The following NRXN1 variants were observed in gnomAD, a reference collection of about 807,000 sequenced individuals.
The protein encoded by NRXN1 is neurexin 1, also known as neurexin-1.
Under a neutral mutation model 150.9 loss-of-function variants are expected in NRXN1, and 39 were observed. That is an observed-to-expected ratio of 0.26 (90% CI 0.20 to 0.34). The LOEUF (loss-of-function observed/expected upper bound fraction) is 0.34. Among genes scored for constraint, NRXN1 ranks in the 10% least tolerant of loss-of-function variants. The pLI, the probability that NRXN1 is intolerant of heterozygous loss-of-function variation, is 1.00. For missense variants in NRXN1, 1,815 were observed against 1,949.9 expected (o/e 0.93, Z 1.30); for synonymous variants, 924 against 757.0 (o/e 1.22, Z -3.62).
intron 8 of NRXN1, among the ~76,000 whole-genome samples, chr2:50,597,513 G>A (rs187618777): frequency 6.6e-6 from 1 of 152,000 alleles, no homozygotes; most frequent in East Asian, 1.9e-4. Flanking sequence ...ATTCTCTAAA[G>A]TGGGTGCATC....
At chr2:50,811,322 A>G (rs564121239) in intron 5 of NRXN1, among the ~76,000 whole-genome samples, 29 of 152,190 alleles carry the variant, frequency 1.9e-4, no homozygotes, top group Non-Finnish European at 4.0e-4. Context: ...TATTGAAATC[A>G]TGCAAGTATT....
intron 2 of NRXN1, among the ~76,000 whole-genome samples, chr2:50,954,638 A>C (rs1358139506): frequency 6.6e-6 from 1 of 152,200 alleles, no homozygotes; most frequent in East Asian, 1.9e-4. Context: ...AAGAAAGAAG[A>C]GAAGCAGGCA....
chr2:50,996,942 CCT>C (rs1432299844), intron 2 of NRXN1, among the ~76,000 whole-genome samples: 2 of 151,914 alleles, frequency 1.3e-5, no homozygotes, highest in South Asian at 2.1e-4. Context: ...TGGTGGAATC[CCT>C]CTTTGTTATT....
At chr2:50,953,054 A>G (rs1249843001) in intron 2 of NRXN1, among the ~76,000 whole-genome samples, 3 of 152,206 alleles carry the variant, frequency 2.0e-5, no homozygotes, top group Non-Finnish European at 4.4e-5. Context: ...CTGGCAAGAA[A>G]GGGCAGGTGA....
At chr2:50,156,199 A>T (rs1256563124) in intron 18 of NRXN1, among the ~76,000 whole-genome samples, 1 of 151,838 alleles carries the variant, frequency 6.6e-6, no homozygotes, top group African/African-American at 2.4e-5. Context: ...ATTAACAGTC[A>T]TATAATGTAA....
intron 5 of NRXN1, among the ~76,000 whole-genome samples, chr2:50,769,783 C>T (rs1344860977): frequency 6.6e-6 from 1 of 152,022 alleles, no homozygotes; most frequent in African/African-American, 2.4e-5. Context: ...TGAGCATCTG[C>T]TTTGGGGAAG....
intron 21 of NRXN1, among the ~76,000 whole-genome samples, chr2:49,947,624 A>T (rs1378696582): frequency 2.0e-5 from 3 of 150,292 alleles, no homozygotes; most frequent in Non-Finnish European, 4.4e-5. Context: ...AGCCTCCCGA[A>T]GTGCTGGGAT....
intron 17 of NRXN1, among the ~76,000 whole-genome samples, chr2:50,298,536 T>C (rs1017374083): frequency 6.6e-6 from 1 of 152,110 alleles, no homozygotes; most frequent in Non-Finnish European, 1.5e-5. Context: ...GATTTTTTTT[T>C]TTTATAGAAC....
chr2:50,883,290 G>A (rs1040748382), intron 5 of NRXN1, among the ~76,000 whole-genome samples: 4 of 151,716 alleles, frequency 2.6e-5, no homozygotes, highest in Non-Finnish European at 5.9e-5. Context: ...TTTTCTCTTT[G>A]AACATAATAG....
intron 18 of NRXN1, among the ~76,000 whole-genome samples, chr2:50,167,715 C>T (rs562767192): frequency 6.6e-6 from 1 of 152,112 alleles, no homozygotes; most frequent in African/African-American, 2.4e-5. Context: ...CTAGAGTTAA[C>T]TAGGGACCTT....
At chr2:50,275,974 C>A (rs1197933179) in intron 17 of NRXN1, among the ~76,000 whole-genome samples, 2 of 118,580 alleles carry the variant, frequency 1.7e-5, no homozygotes, top group Non-Finnish European at 1.7e-5. Flanking sequence ...TATTATTACC[C>A]ATTCCTACCT....
In NRXN1 at chr2:50,616,235, T is replaced by A. The variant is rs530610343; in HGVS notation, c.1320+3787A>T. On this transcript the variant is annotated intron_variant, in intron 8 of 22. Transcript: ENST00000401669. ...ATTCCCGGCCATTCAAAGTTCCTTG[T>A]CATTTTAAACAAAGCACCATATGAA... 2.0e-5 allele frequency: 3 copies of A among 152,322 alleles called. No homozygotes were observed. In the South Asian group the frequency reaches 6.2e-4, roughly 32 times the overall value. The allele number at this position is 152,322 out of a possible 1,614,324, so 9.4% of individuals were successfully genotyped here.
chr2:50,741,892 C>T (rs1397468817), intron 5 of NRXN1, among the ~76,000 whole-genome samples: 1 of 152,114 alleles, frequency 6.6e-6, no homozygotes, highest in Admixed American at 6.5e-5. Flanking sequence ...CCAGTGATGC[C>T]TTACAGACAT....
At chr2:49,940,813 G>A (rs1671849303) in intron 22 of NRXN1, among the ~76,000 whole-genome samples, 1 of 152,116 alleles carries the variant, frequency 6.6e-6, no homozygotes, top group Non-Finnish European at 1.5e-5. Context: ...AACAATTTAT[G>A]GCATATATTA....
chr2:50,698,562 T>C (rs1364593356), intron 5 of NRXN1, among the ~76,000 whole-genome samples: 1 of 152,206 alleles, frequency 6.6e-6, no homozygotes, highest in Non-Finnish European at 1.5e-5. Context: ...TATATAAATG[T>C]TTTCTCAGTC....
chr2:50,106,952 T>C (rs1350143472), intron 18 of NRXN1, among the ~76,000 whole-genome samples: 2 of 151,982 alleles, frequency 1.3e-5, no homozygotes, highest in African/African-American at 4.8e-5. Context: ...CTGTTGACAT[T>C]GGCACAGACC....
chr2:50,524,315 C>T (rs1558879037), intron 12 of NRXN1, among the ~76,000 whole-genome samples: 1 of 152,024 alleles, frequency 6.6e-6, no homozygotes, highest in African/African-American at 2.4e-5. Flanking sequence ...CCCATCTCTA[C>T]TAAAAATACA....
chr2:50,250,356 A>T (rs1023361318), intron 17 of NRXN1, among the ~76,000 whole-genome samples: 2 of 152,174 alleles, frequency 1.3e-5, no homozygotes, highest in Admixed American at 1.3e-4. Flanking sequence ...TTTGATGAGG[A>T]AAGGCAAAAA....
intron 21 of NRXN1, among the ~76,000 whole-genome samples, chr2:49,975,061 C>T (rs967926342): frequency 1.3e-5 from 2 of 151,038 alleles, no homozygotes; most frequent in African/African-American, 2.4e-5. Context: ...TATGTTTACA[C>T]ACTTCTTCAA....
Sources: gnomAD v4.1 joint callset for allele counts (sites outside exome capture counted in the v4.1 genomes callset) on GRCh38, gnomAD v4.1.1 for gene constraint, MANE v1.5 for transcripts, NCBI Gene and HGNC (gene_info 2026-07-23, HGNC 2026-07-21) for gene names.